The following MBD5 variants were observed in gnomAD, a reference collection of about 807,000 sequenced individuals.
MBD5 encodes methyl-CpG binding domain protein 5, also known as methyl-CpG-binding domain protein 5.
Under a neutral mutation model 117.3 loss-of-function variants are expected in MBD5, and 13 were observed. The ratio of observed to expected loss-of-function variants is 0.11; its 90% CI spans 0.07 to 0.18. The LOEUF (loss-of-function observed/expected upper bound fraction) is 0.18, where lower values mean the gene tolerates loss of function less well. MBD5 is among the 10% of genes least tolerant of loss of function. The pLI is 1.00. For synonymous variants in MBD5, 727 were observed against 766.4 expected, an observed-to-expected ratio of 0.95 and a Z score of 0.85; for missense variants, 1,879 against 2,093.8, an observed-to-expected ratio of 0.90 and a Z score of 2.00.
At chr2:148,378,185 T>A (rs1031656376) in intron 4 of MBD5, among the ~76,000 whole-genome samples, 5 of 152,172 alleles carry the variant, frequency 3.3e-5, no homozygotes, top group African/African-American at 1.2e-4. Context: ...TCCTTAAAAA[T>A]GATACTGTAT....
At chr2:148,152,661 T>A (rs188496400) in intron 1 of MBD5, among the ~76,000 whole-genome samples, 3 of 152,262 alleles carry the variant, frequency 2.0e-5, no homozygotes, top group Admixed American at 1.3e-4. Flanking sequence ...AGTTAGCTCT[T>A]CTTGTTGAAT....
rs141590821 is a variant in MBD5, at chr2:148,442,610, A to C, written c.-556-15593A>C. Among the ~76,000 whole-genome samples the C allele has an allele frequency of 1.2e-3, 181 of 151,502 alleles. 12 individuals carry two copies. Among genetic ancestry groups the C allele is most frequent in the African/African-American group, 4.3e-3 (174 of 40,820 alleles). Reference sequence around the variant, plus strand: ...GTAAATTTACATAATTTCTCATCCCAGTTTCCACAACTCTAGAACAGAAAA... The same window carrying C: ...GTAAATTTACATAATTTCTCATCCCCGTTTCCACAACTCTAGAACAGAAAA... On this transcript the variant is annotated intron_variant, in intron 4 of 13. Coordinates refer to ENST00000642680, the MANE Select transcript of MBD5 (RefSeq NM_001378120.1).
intron 1 of MBD5, among the ~76,000 whole-genome samples, chr2:148,087,918 C>G: frequency 6.6e-6 from 1 of 151,338 alleles, no homozygotes; most frequent in Non-Finnish European, 1.5e-5. Context: ...TTAAGCTATT[C>G]AAAGAGATAC....
At chr2:148,154,190 ACC>A (rs1697785272) in intron 1 of MBD5, among the ~76,000 whole-genome samples, 1 of 149,718 alleles carries the variant, frequency 6.7e-6, no homozygotes, top group South Asian at 2.2e-4. Context: ...CTGTTGGAGT[ACC>A]CTGCCGTGTG....
intron 1 of MBD5, chr2:148,021,932 C>T (rs1693754272): frequency 6.5e-6 from 1 of 154,358 alleles, no homozygotes; most frequent in East Asian, 1.9e-4. Context: ...CATCTAACAT[C>T]TGATTGTGTC....
chr2:148,417,942 C>T (rs577629902), intron 4 of MBD5, among the ~76,000 whole-genome samples: 194 of 152,044 alleles, frequency 1.3e-3, no homozygotes, highest in Non-Finnish European at 2.4e-3. Flanking sequence ...TGGGCTCAAG[C>T]GATCCTCCCA....
intron 3 of MBD5, among the ~76,000 whole-genome samples, chr2:148,332,373 T>G (rs1046483753): frequency 2.6e-5 from 4 of 152,216 alleles, no homozygotes; most frequent in African/African-American, 4.8e-5. Context: ...TGGTTCTCTA[T>G]GTACTTATTT....
In MBD5 at chr2:148,469,797, C is replaced by A. The variant is rs1680730788; in HGVS notation, c.1854C>A (p.Ser618Arg). ...GCAGTGGCAACACTGAAGGACATAGCACTTTAAACACCATGTTCCCTCCTA... is the reference window on the plus strand; with the variant it reads ...GCAGTGGCAACACTGAAGGACATAGAACTTTAAACACCATGTTCCCTCCTA... Reference protein sequence around the residue: ...VAGSGNTEGHSTLNTMFPPTA... With the variant: ...VAGSGNTEGHRTLNTMFPPTA... The change falls in exon 8 of 14, where the codon AGC becomes AGA. Residue 618 changes from serine (S) to arginine (R), a missense_variant. By Grantham distance (110) the Ser-to-Arg change is moderately radical. Transcript: ENST00000642680. 3.1e-6 allele frequency: 5 copies of A among 1,613,816 alleles called. No individual in the cohort carries two copies. In the African/African-American group the frequency reaches 6.7e-5, roughly 22 times the overall value.
At chr2:148,096,062 G>A (rs1278379761) in intron 1 of MBD5, among the ~76,000 whole-genome samples, 2 of 151,960 alleles carry the variant, frequency 1.3e-5, no homozygotes, top group African/African-American at 4.8e-5. Context: ...GTATGCTTTT[G>A]ACCATTTCAA....
intron 3 of MBD5, among the ~76,000 whole-genome samples, chr2:148,340,432 T>G (rs1292616322): frequency 6.6e-6 from 1 of 152,146 alleles, no homozygotes; most frequent in Non-Finnish European, 1.5e-5. Context: ...AAAAGGAAAT[T>G]TTTAACACAG....
intron 8 of MBD5, among the ~76,000 whole-genome samples, chr2:148,474,088 A>T (rs564493891): frequency 6.6e-6 from 1 of 152,304 alleles, no homozygotes; most frequent in South Asian, 2.1e-4. Flanking sequence ...CTGGAAATCC[A>T]TCAGTAGTAG....
intron 3 of MBD5, among the ~76,000 whole-genome samples, chr2:148,238,845 G>T (rs972436479): frequency 6.6e-6 from 1 of 151,980 alleles, no homozygotes; most frequent in African/African-American, 2.4e-5. Flanking sequence ...CTTCTTATAA[G>T]GATTGGATTA....
At chr2:148,452,868 T>C (rs546887842) in intron 4 of MBD5, among the ~76,000 whole-genome samples, 2 of 152,340 alleles carry the variant, frequency 1.3e-5, no homozygotes, top group African/African-American at 2.4e-5. Flanking sequence ...AAAGGCTCTT[T>C]TGCTATTTTA....
At position 148,402,755 on chromosome 2, in the gene MBD5, A is replaced by G. The variant is rs545639211; in HGVS notation, c.-556-55448A>G. On this transcript the variant is annotated intron_variant, in intron 4 of 13. Transcript: ENST00000642680. Reference sequence around the variant, plus strand: ...TATATGGATATACTACAACTAGTTTATCTATTGACTTGTTGATGGATATTT... The same window carrying G: ...TATATGGATATACTACAACTAGTTTGTCTATTGACTTGTTGATGGATATTT... 5.3e-5 allele frequency among the ~76,000 whole-genome samples: 8 copies of G among 152,252 alleles called. No individual in the cohort carries two copies. In the South Asian group the frequency reaches 1.2e-3, roughly 24 times the overall value.
chr2:148,341,012 C>T (rs1433116601), intron 3 of MBD5, among the ~76,000 whole-genome samples: 1 of 151,978 alleles, frequency 6.6e-6, no homozygotes, highest in East Asian at 1.9e-4. Flanking sequence ...AGTAACTTTC[C>T]TAAGGTCTAA....
At chr2:148,122,859 A>C (rs1324190106) in intron 1 of MBD5, among the ~76,000 whole-genome samples, 2 of 152,222 alleles carry the variant, frequency 1.3e-5, no homozygotes, top group Admixed American at 1.3e-4. Context: ...GGCCATTTTT[A>C]TCACCTTCAA....
chr2:148,278,955 C>A lies in MBD5; in HGVS notation c.-680+45560C>A, dbSNP rs1701176147. On this transcript the variant is annotated intron_variant, in intron 3 of 13. Transcript: ENST00000642680. ...AGTCAGGAGAAGGGTGTCATGACTC[C>A]AGGAGAGAAGTGGTGAAAAATTGCC... 2.0e-5 allele frequency among the ~76,000 whole-genome samples: 3 copies of A among 152,254 alleles called. No individual in the cohort carries two copies. The South Asian group carries it at 6.2e-4, about 32-fold the overall frequency.
At position 148,234,589 on chromosome 2, in the gene MBD5, A is replaced by T. The variant is rs1368003171; in HGVS notation, c.-680+1194A>T. Among the ~76,000 whole-genome samples, 4 of 152,286 alleles carry T rather than the reference A, an allele frequency of 2.6e-5. No homozygotes were observed. The East Asian group carries it at 7.7e-4, about 29-fold the overall frequency. On this transcript the variant is annotated intron_variant, in intron 3 of 13. Coordinates refer to ENST00000642680, the MANE Select transcript of MBD5 (RefSeq NM_001378120.1). ...ATAACAATAGTATTATTATGCAGTCAACAGAGTTTATGGAACCATGAAGTG... is the reference window on the plus strand; with the variant it reads ...ATAACAATAGTATTATTATGCAGTCTACAGAGTTTATGGAACCATGAAGTG...
At chr2:148,411,281 C>T (rs1184664077) in intron 4 of MBD5, among the ~76,000 whole-genome samples, 1 of 152,048 alleles carries the variant, frequency 6.6e-6, no homozygotes, top group African/African-American at 2.4e-5. Flanking sequence ...TAGGTTGATT[C>T]CATGCCCATA....
Sources: gnomAD v4.1 joint callset for allele counts (sites outside exome capture counted in the v4.1 genomes callset) on GRCh38, gnomAD v4.1.1 for gene constraint, MANE v1.5 for transcripts, NCBI Gene and HGNC (gene_info 2026-07-23, HGNC 2026-07-21) for gene names.